Variants in INSR observed in about 807,000 individuals in gnomAD.
INSR encodes IR.
A neutral mutation model predicts 142.6 loss-of-function variants in INSR; 67 were observed. The observed-to-expected ratio is 0.47, with a 90% CI of 0.39 to 0.58. The LOEUF (loss-of-function observed/expected upper bound fraction) is 0.58, where lower values mean the gene tolerates loss of function less well. Among genes scored for constraint, INSR ranks in the 20% least tolerant of loss-of-function variants. The pLI is 0.00. For missense variants in INSR, 1,248 were observed against 1,833.2 expected (o/e 0.68, Z 5.83); for synonymous variants, 756 against 743.1 (o/e 1.02, Z -0.28).
chr19:7,155,648 C>T (rs1180047965), intron 9 of INSR, among the ~76,000 whole-genome samples: 1 of 150,730 alleles, frequency 6.6e-6, no homozygotes, highest in Non-Finnish European at 1.5e-5. Context: ...TACAGTGGCT[C>T]TTGCCTGTAA....
At chr19:7,179,443 C>A (rs1974220169) in intron 3 of INSR, among the ~76,000 whole-genome samples, 1 of 152,140 alleles carries the variant, frequency 6.6e-6, no homozygotes, top group African/African-American at 2.4e-5. Context: ...GCAAGTACAC[C>A]CAGGTAGTGG....
intron 2 of INSR, among the ~76,000 whole-genome samples, chr19:7,242,060 G>A (rs969959955): frequency 2.6e-5 from 4 of 151,516 alleles, no homozygotes; most frequent in Non-Finnish European, 5.9e-5. Context: ...GCTGAGGCAG[G>A]AGAATTGCTT....
chr19:7,278,541 C>T (rs965011830), intron 1 of INSR, among the ~76,000 whole-genome samples: 1 of 152,204 alleles, frequency 6.6e-6, no homozygotes, highest in Non-Finnish European at 1.5e-5. Context: ...CTTGAGAAAA[C>T]AGGATACCAC....
intron 2 of INSR, among the ~76,000 whole-genome samples, chr19:7,205,154 G>C (rs1167768231): frequency 2.0e-5 from 3 of 152,206 alleles, no homozygotes; most frequent in African/African-American, 7.2e-5. Flanking sequence ...TCTATCAACA[G>C]ATCTGAGCTC....
intron 2 of INSR, among the ~76,000 whole-genome samples, chr19:7,207,595 A>G (rs924707939): frequency 6.7e-6 from 1 of 148,706 alleles, no homozygotes; most frequent in African/African-American, 2.5e-5. Flanking sequence ...AAACAACATG[A>G]GTTTCCCCAC....
chr19:7,145,616 T>C (rs1200478642), intron 11 of INSR, among the ~76,000 whole-genome samples: 1 of 152,230 alleles, frequency 6.6e-6, no homozygotes, highest in Non-Finnish European at 1.5e-5. Flanking sequence ...ACTCTGTCAT[T>C]GTAGCTTAAA....
intron 2 of INSR, among the ~76,000 whole-genome samples, chr19:7,242,522 G>A (rs534032756): frequency 1.3e-5 from 2 of 152,036 alleles, no homozygotes; most frequent in Admixed American, 1.3e-4. Flanking sequence ...CAGATCACTT[G>A]AGGTCAGGAG....
intron 2 of INSR, among the ~76,000 whole-genome samples, chr19:7,201,211 T>TG (rs1974943805): frequency 6.6e-6 from 1 of 152,164 alleles, no homozygotes; most frequent in Admixed American, 6.6e-5. Context: ...ACCCATTCTC[T>TG]GGGGCAAATT....
chr19:7,192,981 T>C lies in INSR; in HGVS notation c.653-8344A>G, dbSNP rs2145015315. Reference sequence around the variant, plus strand: ...GGTGGACCCTCCCCAAGAAAGACAATGTCCCCACTAAAGGACCCCTTCCCT... The same window carrying C: ...GGTGGACCCTCCCCAAGAAAGACAACGTCCCCACTAAAGGACCCCTTCCCT... On this transcript the variant is annotated intron_variant, in intron 2 of 21. Coordinates refer to ENST00000302850, the MANE Select transcript of INSR (RefSeq NM_000208.4). The surrounding 1 kb of genome is among the most constrained non-coding windows in gnomAD (Gnocchi z 4.2). Among the ~76,000 whole-genome samples, 1 of 152,222 alleles carries C rather than the reference T, an allele frequency of 6.6e-6. No homozygotes were observed. The highest frequency in any genetic ancestry group is 2.4e-5 in the African/African-American group (1 of 41,542).
rs1254231884 is a variant in INSR at position 7,294,394 on chromosome 19, G to T, written c.-503C>A. 1.3e-5 allele frequency among the ~76,000 whole-genome samples: 2 copies of T among 151,634 alleles called. No individual in the cohort carries two copies. Among genetic ancestry groups the T allele is most frequent in the Non-Finnish European group, 2.9e-5 (2 of 67,812 alleles). On this transcript the variant is annotated 5_prime_UTR_variant, in exon 1 of 22. Coordinates refer to ENST00000302850, the MANE Select transcript of INSR (RefSeq NM_000208.4). ...GTCAGCTGGGCCCCGTGCGGGCCGC[G>T]GGAAAAGGCGGCGCGGATCTGGCCT...
At chr19:7,146,971 T>C (rs1568444236) in intron 11 of INSR, among the ~76,000 whole-genome samples, 1 of 152,198 alleles carries the variant, frequency 6.6e-6, no homozygotes, top group Admixed American at 6.5e-5. Flanking sequence ...TTTCCCTTCC[T>C]AACACATTTA....
intron 5 of INSR, 131 bp downstream of exon 5, chr19:7,172,159 A>C: frequency 1.1e-6 from 1 of 893,306 alleles, no homozygotes; most frequent in Non-Finnish European, 1.8e-6. Flanking sequence ...TGATTCACCC[A>C]CGTTGGCCTC....
Position 7,267,221 on chromosome 19 carries a change from G to C in INSR, c.652+124C>G, listed in dbSNP as rs931120004. On this transcript the variant is annotated intron_variant, in intron 2 of 21. Coordinates refer to ENST00000302850, the MANE Select transcript of INSR (RefSeq NM_000208.4). The surrounding 1 kb of genome is among the most constrained non-coding windows in gnomAD (Gnocchi z 6.3). ...TCTGCCACTCCCTGGGCTAGTGAAT[G>C]CCACCACCCACTATTCCCCGGCCCC... is the stretch of plus-strand genomic sequence containing the variant. The C allele has an allele frequency of 5.1e-6, 5 of 984,910 alleles. No homozygotes were observed. The African/African-American group carries it at 8.0e-5, about 16-fold the overall frequency. The allele number at this position is 984,910 out of a possible 1,614,324, so 61.0% of individuals were successfully genotyped here.
At chr19:7,154,593 C>T (rs879376017) in intron 9 of INSR, among the ~76,000 whole-genome samples, 7 of 150,292 alleles carry the variant, frequency 4.7e-5, no homozygotes, top group African/African-American at 7.3e-5. Flanking sequence ...TGAGCCACTG[C>T]ACCCGGCCCA....
chr19:7,134,208 A>G (rs1239778985), intron 13 of INSR, among the ~76,000 whole-genome samples: 1 of 152,150 alleles, frequency 6.6e-6, no homozygotes, highest in Non-Finnish European at 1.5e-5. Flanking sequence ...AAAGAAAGAA[A>G]CTAAAAAAAG....
At chr19:7,132,383 C>A in intron 13 of INSR, 66 bp from the exon 14 acceptor site, 1 of 1,557,172 alleles carries the variant, frequency 6.4e-7, no homozygotes, top group East Asian at 2.3e-5. Flanking sequence ...GTCCACCCCT[C>A]GCAGGGAGCT....
chr19:7,172,936 C>T (rs1424304817), intron 4 of INSR, among the ~76,000 whole-genome samples: 1 of 151,480 alleles, frequency 6.6e-6, no homozygotes, highest in Non-Finnish European at 1.5e-5. Flanking sequence ...TGACAAATGA[C>T]AGCCCACTGG....
chr19:7,206,934 C>T (rs1292979717), intron 2 of INSR, among the ~76,000 whole-genome samples: 1 of 152,114 alleles, frequency 6.6e-6, no homozygotes, highest in Non-Finnish European at 1.5e-5. Context: ...AGTAACAGAA[C>T]ACTCAAGTCT....
At chr19:7,224,674 G>A (rs144562378) in intron 2 of INSR, among the ~76,000 whole-genome samples, 2 of 152,320 alleles carry the variant, frequency 1.3e-5, no homozygotes, top group East Asian at 1.9e-4. Flanking sequence ...CCAAGAAGCC[G>A]TAAGATGTGC....
Sources: allele counts gnomAD v4.1 joint callset (sites outside exome capture counted in the v4.1 genomes callset), GRCh38; gene constraint gnomAD v4.1.1; non-coding constraint Gnocchi (gnomAD v3.1); transcripts MANE v1.5; gene names NCBI Gene and HGNC (gene_info 2026-07-23, HGNC 2026-07-21).